Variants in GRIN2A observed in about 807,000 individuals in gnomAD.
GRIN2A encodes glutamate receptor ionotropic, NMDA 2A.
Under a neutral mutation model 113.4 loss-of-function variants are expected in GRIN2A, and 22 were observed. The ratio of observed to expected loss-of-function variants is 0.19; its 90% CI spans 0.14 to 0.28. The LOEUF is 0.28. Among genes scored for constraint, GRIN2A ranks in the 10% least tolerant of loss-of-function variants. The pLI is 1.00. For missense variants in GRIN2A, 1,502 were observed against 1,887.0 expected (o/e 0.80, Z 3.78); for synonymous variants, 827 against 738.4 (o/e 1.12, Z -1.94).
intron 2 of GRIN2A, among the ~76,000 whole-genome samples, chr16:9,969,284 A>G (rs995746368): frequency 6.6e-6 from 1 of 151,972 alleles, no homozygotes; most frequent in Non-Finnish European, 1.5e-5. Context: ...ACTCTCCTCC[A>G]TTGCTGCCTG....
At chr16:10,154,467 T>C (rs2049648101) in intron 2 of GRIN2A, among the ~76,000 whole-genome samples, 2 of 152,178 alleles carry the variant, frequency 1.3e-5, no homozygotes, top group South Asian at 4.1e-4. Flanking sequence ...CGTGTTTATA[T>C]TTTGTCCCCA....
intron 2 of GRIN2A, among the ~76,000 whole-genome samples, chr16:9,994,908 G>A (rs564630343): frequency 6.6e-6 from 1 of 152,274 alleles, no homozygotes; most frequent in Admixed American, 6.5e-5. Flanking sequence ...CATTTCATCT[G>A]GTTTTAAGGG....
chr16:9,915,791 AGCCT>A (rs1281683264), intron 3 of GRIN2A, among the ~76,000 whole-genome samples: 1 of 152,142 alleles, frequency 6.6e-6, no homozygotes, highest in East Asian at 1.9e-4. Context: ...CACCTCTTTG[AGCCT>A]CCGTTTTTTC....
At chr16:10,152,231 G>C (rs1250876425) in intron 2 of GRIN2A, among the ~76,000 whole-genome samples, 2 of 152,164 alleles carry the variant, frequency 1.3e-5, no homozygotes, top group Non-Finnish European at 2.9e-5. Flanking sequence ...CTCAAAATTA[G>C]CATCAAAGTT....
At chr16:9,896,134 T>C (rs11644572) in intron 3 of GRIN2A, among the ~76,000 whole-genome samples, 43,143 of 151,692 alleles carry the variant, frequency 0.28, 7,017 homozygotes, top group African/African-American at 0.44. Flanking sequence ...ACTGCAACCT[T>C]CACCTCCCAG....
chr16:10,018,366 T>C (rs2046648726), intron 2 of GRIN2A, among the ~76,000 whole-genome samples: 1 of 152,058 alleles, frequency 6.6e-6, no homozygotes, highest in Admixed American at 6.6e-5. Context: ...GGGGTTTCTG[T>C]GCTAGCACCA....
intron 2 of GRIN2A, among the ~76,000 whole-genome samples, chr16:9,953,760 G>A (rs117425843): frequency 0.011 from 1,740 of 152,250 alleles, 21 homozygotes; most frequent in Middle Eastern, 0.041. Flanking sequence ...AGGGGTGAAA[G>A]GTGTCTAGTG....
chr16:9,769,176 C>G, intron 11 of GRIN2A, 87 bp from the exon 12 acceptor site: 1 of 990,786 alleles, frequency 1.0e-6, no homozygotes, highest in Non-Finnish European at 1.6e-6. Flanking sequence ...AGACGATGTG[C>G]AACTCACAGC....
chr16:10,032,333 G>A (rs1300066387), intron 2 of GRIN2A, among the ~76,000 whole-genome samples: 2 of 152,130 alleles, frequency 1.3e-5, no homozygotes, highest in South Asian at 2.1e-4. Flanking sequence ...AACAATTGGC[G>A]CACACTGTAC....
chr16:10,139,303 C>A (rs1028107313), intron 2 of GRIN2A, among the ~76,000 whole-genome samples: 9 of 152,136 alleles, frequency 5.9e-5, no homozygotes, highest in African/African-American at 1.2e-4. Context: ...CAAACCCCAA[C>A]AGGTGTTTAT....
chr16:10,163,942 AC>A, intron 2 of GRIN2A, among the ~76,000 whole-genome samples: 1 of 152,198 alleles, frequency 6.6e-6, no homozygotes, highest in Non-Finnish European at 1.5e-5. Flanking sequence ...ATAGCCACAA[AC>A]CTTCTTGGAA....
chr16:9,918,664 A>T (rs2044301366), intron 3 of GRIN2A, among the ~76,000 whole-genome samples: 1 of 152,210 alleles, frequency 6.6e-6, no homozygotes, highest in Non-Finnish European at 1.5e-5. Context: ...TATCTTGTGC[A>T]AAAGTGTTTC....
At chr16:9,997,348 C>A (rs1179605442) in intron 2 of GRIN2A, among the ~76,000 whole-genome samples, 2 of 152,184 alleles carry the variant, frequency 1.3e-5, no homozygotes, top group Admixed American at 6.5e-5. Flanking sequence ...GATGATAGGT[C>A]CATCCAGATT....
intron 2 of GRIN2A, among the ~76,000 whole-genome samples, chr16:10,055,264 A>G (rs865888854): frequency 3.5e-4 from 53 of 152,070 alleles, no homozygotes; most frequent in Admixed American, 7.2e-4. Context: ...GAGATAAGGG[A>G]ATGAAATGAG....
intron 2 of GRIN2A, among the ~76,000 whole-genome samples, chr16:10,126,037 G>T (rs1233270690): frequency 1.3e-5 from 2 of 152,106 alleles, no homozygotes; most frequent in African/African-American, 4.8e-5. Context: ...GAAGTAGGGA[G>T]GCTTAGAGCT....
intron 2 of GRIN2A, among the ~76,000 whole-genome samples, chr16:10,134,206 AAAAAAAAAAAAT>A (rs1318836795): frequency 8.0e-6 from 1 of 124,338 alleles, no homozygotes; most frequent in South Asian, 3.4e-4. Context: ...AAAAAAAAAA[AAAAAAAAAAAAT>A]GGAGAGGAGA....
At chr16:9,826,250 A>C (rs1040378902) in intron 9 of GRIN2A, among the ~76,000 whole-genome samples, 22 of 152,176 alleles carry the variant, frequency 1.4e-4, no homozygotes, top group Admixed American at 4.6e-4. Flanking sequence ...CCCAAACATG[A>C]TATTGCTCTT....
chr16:10,056,756 C>T (rs997257236), intron 2 of GRIN2A, among the ~76,000 whole-genome samples: 1 of 152,122 alleles, frequency 6.6e-6, no homozygotes, highest in Admixed American at 6.5e-5. Context: ...TTGATGGCAA[C>T]CACCAGAAGT....
intron 2 of GRIN2A, among the ~76,000 whole-genome samples, chr16:9,977,457 T>C (rs899214554): frequency 6.6e-6 from 1 of 152,236 alleles, no homozygotes; most frequent in African/African-American, 2.4e-5. Context: ...GAGATAATTA[T>C]AATTAAAGTT....
Sources: gnomAD v4.1 joint callset for allele counts (sites outside exome capture counted in the v4.1 genomes callset) on GRCh38, gnomAD v4.1.1 for gene constraint, MANE v1.5 for transcripts, NCBI Gene and HGNC (gene_info 2026-07-23, HGNC 2026-07-21) for gene names.